Variants in FBLN1 observed in about 807,000 individuals in gnomAD.
FBLN1 encodes fibulin-1.
A neutral mutation model predicts 89.7 loss-of-function variants in FBLN1; 34 were observed. The observed-to-expected ratio is 0.38, with a 90% CI of 0.29 to 0.50. The LOEUF is 0.50. Ranked by LOEUF, FBLN1 falls within the 20% of genes least tolerant of loss-of-function variation. The pLI, the probability that FBLN1 is intolerant of heterozygous loss-of-function variation, is 0.92. For missense variants in FBLN1, 777 were observed against 988.1 expected, an observed-to-expected ratio of 0.79 and a Z score of 2.86; for synonymous variants, 393 against 391.3, an observed-to-expected ratio of 1.00 and a Z score of -0.05.
At chr22:45,548,135 A>G (rs1318602787) in intron 12 of FBLN1, among the ~76,000 whole-genome samples, 1 of 152,134 alleles carries the variant, frequency 6.6e-6, no homozygotes, top group Non-Finnish European at 1.5e-5. Flanking sequence ...TGCAGCCTCC[A>G]TCTCCTGGGA....
Position 45,554,745 on chromosome 22 carries a change from C to T in FBLN1, c.1697+4130C>T, listed in dbSNP as rs909096373. On this transcript the variant is annotated intron_variant, in intron 14 of 16. Coordinates refer to ENST00000327858, the MANE Select transcript of FBLN1 (RefSeq NM_006486.3). ...GGCAGGGCTTCCTGGAGCACCTGGG[C>T]CAGGTCCTCTGGGGCTCCGCACCTG... Among the ~76,000 whole-genome samples, 11 of 152,326 alleles carry T rather than the reference C, an allele frequency of 7.2e-5. No individual in the cohort carries two copies. The East Asian group carries it at 1.9e-3, about 27-fold the overall frequency.
intron 6 of FBLN1, 84 bp downstream of exon 6, chr22:45,533,248 CCT>C: frequency 8.1e-7 from 1 of 1,237,962 alleles, no homozygotes; most frequent in Non-Finnish European, 1.2e-6. Flanking sequence ...CCAGGGCCTG[CCT>C]TCTACAACCC....
chr22:45,527,785 T>C (rs2088349002), intron 3 of FBLN1, 62 bp from the exon 4 acceptor site: 1 of 1,599,648 alleles, frequency 6.3e-7, no homozygotes, highest in Non-Finnish European at 8.5e-7. Context: ...CTGAGGCCTC[T>C]CGTGGACCCC....
chr22:45,550,534 A>G lies in FBLN1; in HGVS notation c.1616A>G (p.Asn539Ser). The change falls in exon 14 of 17, where the codon AAC becomes AGC. Residue 539 changes from asparagine to serine, a missense_variant. Transcript: ENST00000327858. The surrounding 1 kb of genome is among the most constrained non-coding windows in gnomAD (Gnocchi z 8.4). ...ACTGGCATCCACAACTGCTCCATCAACGAGACCTGCTTCAACATCCAGGGC... is the reference window on the plus strand; with the variant it reads ...ACTGGCATCCACAACTGCTCCATCAGCGAGACCTGCTTCAACATCCAGGGC... ...CVTGIHNCSI[N>S]ETCFNIQGGF... 6.2e-7 allele frequency: 1 copy of G among 1,614,076 alleles called. No individual in the cohort carries two copies. The highest frequency in any genetic ancestry group is 8.5e-7 in the Non-Finnish European group (1 of 1,180,022).
intron 16 of FBLN1, among the ~76,000 whole-genome samples, chr22:45,582,948 G>A (rs2089054873): frequency 6.6e-6 from 1 of 152,174 alleles, no homozygotes; most frequent in South Asian, 2.1e-4. Context: ...GCTGCCCTGG[G>A]CCTAGGGACA....
chr22:45,593,156 AC>A (rs150171236), intron 16 of FBLN1, among the ~76,000 whole-genome samples: 21 of 133,606 alleles, frequency 1.6e-4, no homozygotes, highest in African/African-American at 3.6e-4. Flanking sequence ...AGGCAGAGAG[AC>A]CCCCCCCACC....
At chr22:45,508,138 T>G (rs2088048381) in intron 1 of FBLN1, among the ~76,000 whole-genome samples, 1 of 152,014 alleles carries the variant, frequency 6.6e-6, no homozygotes, top group Non-Finnish European at 1.5e-5. Flanking sequence ...ATTGTCCCCC[T>G]CATCAATGAG....
At chr22:45,521,334 C>T (rs1160311858) in intron 2 of FBLN1, among the ~76,000 whole-genome samples, 2 of 152,136 alleles carry the variant, frequency 1.3e-5, no homozygotes, top group Non-Finnish European at 2.9e-5. Context: ...GGCTCAATGC[C>T]CAGGACACCA....
In FBLN1 at chr22:45,578,134, C is replaced by T. The variant is rs2089013346; in HGVS notation, c.1972+1026C>T. 2 of 152,132 alleles carry T rather than the reference C, an allele frequency of 1.3e-5. No homozygotes were observed. Among genetic ancestry groups the T allele is most frequent in the East Asian group, 3.9e-4 (2 of 5,162 alleles). The allele number at this position is 152,132 out of a possible 1,614,324, so 9.4% of individuals were successfully genotyped here. On this transcript the variant is annotated intron_variant, in intron 16 of 16. Transcript: ENST00000327858. This position sits in a 1 kb window ranked among gnomAD's most constrained non-coding sequence, Gnocchi z 4.6. ...GAGTCCGGGAGGTCCTAACCAGAACCCACGAGCGTGCAGTGCGCACAGAGC... is the reference window on the plus strand; with the variant it reads ...GAGTCCGGGAGGTCCTAACCAGAACTCACGAGCGTGCAGTGCGCACAGAGC...
chr22:45,503,163 G>C, intron 1 of FBLN1, 99 bp downstream of exon 1: 1 of 965,310 alleles, frequency 1.0e-6, no homozygotes, highest in Middle Eastern at 3.8e-4. Context: ...CGGAGTCCGT[G>C]CGTTGCCCTG....
chr22:45,574,780 T>TC lies in FBLN1; in HGVS notation c.1840+127_1840+128insC, dbSNP rs1340309752. 97 of 497,812 alleles carry TC rather than the reference T, an allele frequency of 1.9e-4. No homozygotes were observed. The highest frequency in any genetic ancestry group is 2.2e-4 in the Non-Finnish European group (70 of 320,308). 30.8% of individuals were successfully genotyped at this position (497,812 alleles called of 1,614,324 possible). On this transcript the variant is annotated intron_variant, in intron 15 of 16. Transcript: ENST00000327858. This position sits in a 1 kb window ranked among gnomAD's most constrained non-coding sequence, Gnocchi z 4.1. ...AGGCTTTGAAATGCAGAACTTTCTT[T>TC]TTTTTTTTTTTTTTTTTTTGAGACG...
rs1167792138 is a variant in FBLN1, at chr22:45,574,994, G to C, written c.1840+341G>C. ...AGACGGGGTTTCACCGTGTTCGCCA[G>C]GATGGTCTCAATCTCCTGACCTCAT... On this transcript the variant is annotated intron_variant, in intron 15 of 16. Coordinates refer to ENST00000327858, the MANE Select transcript of FBLN1 (RefSeq NM_006486.3). This position sits in a 1 kb window ranked among gnomAD's most constrained non-coding sequence, Gnocchi z 4.1. Among the ~76,000 whole-genome samples the C allele has an allele frequency of 1.3e-5, 2 of 152,042 alleles. No individual in the cohort carries two copies. The highest frequency in any genetic ancestry group is 6.6e-5 in the Admixed American group (1 of 15,264).
rs930371019 is a variant in FBLN1 at position 45,525,421 on chromosome 22, C to T, written c.186-122C>T. On this transcript the variant is annotated intron_variant, in intron 2 of 16. Transcript: ENST00000327858. ...CCACTGGGGCACTGTGTATTTCTCT[C>T]TCTGTGTCTGTGGGAGCAGGGAAGG... 6 of 885,746 alleles carry T rather than the reference C, an allele frequency of 6.8e-6. No homozygotes were observed. In the East Asian group the frequency reaches 1.6e-4, roughly 23 times the overall value. The allele number at this position is 885,746 out of a possible 1,614,324, so 54.9% of individuals were successfully genotyped here. A position where few individuals can be genotyped will look rare whatever the true frequency, so the allele number is the denominator to read the frequency against.
At chr22:45,568,684 AGGGG>A (rs1254720319) in intron 14 of FBLN1, among the ~76,000 whole-genome samples, 1,572 of 49,550 alleles carry the variant, frequency 0.032, 89 homozygotes, top group Middle Eastern at 0.083. Context: ...CCTCTTCTGT[AGGGG>A]AATGCTCCTT....
rs542069715 is a variant in FBLN1 at position 45,554,052 on chromosome 22, G to A, written c.1697+3437G>A. Among the ~76,000 whole-genome samples the A allele has an allele frequency of 5.9e-5, 9 of 152,310 alleles. No homozygotes were observed. The East Asian group carries it at 1.2e-3, about 20-fold the overall frequency. ...TAAAAGCTTTGAAGTAAGACAGGCC[G>A]ACTTTGAAAGCCAAGCTTGCCCCTT... On this transcript the variant is annotated intron_variant, in intron 14 of 16. Transcript: ENST00000327858.
In FBLN1 at chr22:45,535,295, T is replaced by C; in HGVS notation, c.880T>C (p.Cys294Arg). 1 of 1,614,126 alleles carries C rather than the reference T, an allele frequency of 6.2e-7. No individual in the cohort carries two copies. The highest frequency in any genetic ancestry group is 8.5e-7 in the Non-Finnish European group (1 of 1,179,974). Reference protein sequence around the residue: ...GSFRCRPKLQCKSGFIQDALG... With the variant: ...GSFRCRPKLQRKSGFIQDALG... ...CTTCCGCTGCCGACCCAAGCTACAG[T>C]GCAAGAGTGGCTTTATACAAGATGC... Residue 294 changes from cysteine (C) to arginine (R), a missense_variant, in exon 8 of 17, where the codon TGC (cysteine) becomes CGC (arginine). Cys to Arg is a radical substitution (Grantham distance 180). Coordinates refer to ENST00000327858, the MANE Select transcript of FBLN1 (RefSeq NM_006486.3).
In FBLN1 at chr22:45,557,947, C is replaced by T. The variant is rs2147005749; in HGVS notation, c.1697+7332C>T. 1.5e-6 allele frequency: 1 copy of T among 660,272 alleles called. No individual in the cohort carries two copies. The highest frequency in any genetic ancestry group is 1.8e-5 in the African/African-American group (1 of 55,794). 40.9% of individuals were successfully genotyped at this position (660,272 alleles called of 1,614,324 possible). On this transcript the variant is annotated intron_variant, in intron 14 of 16. Transcript: ENST00000327858. This position sits in a 1 kb window ranked among gnomAD's most constrained non-coding sequence, Gnocchi z 4.9. Reference sequence around the variant, plus strand: ...GCCCACTGGGAAGATTTCCCTTTGCCACTGTCCTTCAGGGATGTCCTAGAA... The same window carrying T: ...GCCCACTGGGAAGATTTCCCTTTGCTACTGTCCTTCAGGGATGTCCTAGAA...
In FBLN1 at chr22:45,556,210, G is replaced by T. The variant is rs939447600; in HGVS notation, c.1697+5595G>T. 6.6e-6 allele frequency among the ~76,000 whole-genome samples: 1 copy of T among 152,142 alleles called. No homozygotes were observed. The highest frequency in any genetic ancestry group is 2.4e-5 in the African/African-American group (1 of 41,412). On this transcript the variant is annotated intron_variant, in intron 14 of 16. Coordinates refer to ENST00000327858, the MANE Select transcript of FBLN1 (RefSeq NM_006486.3). This position sits in a 1 kb window ranked among gnomAD's most constrained non-coding sequence, Gnocchi z 4.6. Reference sequence around the variant, plus strand: ...GGGGTTTCACCATGTGGGTCAGGCTGGTCTTGAGCTCCTGACCTCAAGTGA... The same window carrying T: ...GGGGTTTCACCATGTGGGTCAGGCTTGTCTTGAGCTCCTGACCTCAAGTGA...
chr22:45,540,017 C>G (rs2088534467), intron 8 of FBLN1, among the ~76,000 whole-genome samples: 2 of 152,196 alleles, frequency 1.3e-5, no homozygotes, highest in Admixed American at 6.5e-5. Context: ...TCAACTCTGC[C>G]TTTTGCAGTG....
Sources: allele counts gnomAD v4.1 joint callset (sites outside exome capture counted in the v4.1 genomes callset), GRCh38; gene constraint gnomAD v4.1.1; non-coding constraint Gnocchi (gnomAD v3.1); transcripts MANE v1.5; gene names NCBI Gene and HGNC (gene_info 2026-07-23, HGNC 2026-07-21).